The following BICD1 variants were observed in gnomAD, a reference collection of about 807,000 sequenced individuals.
BICD1 encodes protein bicaudal D homolog 1.
Under a neutral mutation model 92.5 loss-of-function variants are expected in BICD1, and 35 were observed. The ratio of observed to expected loss-of-function variants is 0.38; its 90% CI spans 0.29 to 0.50. The LOEUF (loss-of-function observed/expected upper bound fraction) is 0.50, where lower values mean the gene tolerates loss of function less well. Ranked by LOEUF, BICD1 falls within the 20% of genes least tolerant of loss-of-function variation. BICD1 has a pLI of 0.93. For synonymous variants in BICD1, 429 were observed against 465.1 expected (o/e 0.92, Z 1.00); for missense variants, 950 against 1,189.8 (o/e 0.80, Z 2.97).
At chr12:32,198,323 C>CATATATATATATATGT (rs765984931) in intron 1 of BICD1, among the ~76,000 whole-genome samples, 1 of 87,920 alleles carries the variant, frequency 1.1e-5, no homozygotes. Context: ...GAATAATATG[C>CATATATATATATATGT]ATCTATCTAT....
chr12:32,337,458 A>G lies in BICD1; in HGVS notation c.2253-41A>G, dbSNP rs1938178462. 6.4e-7 allele frequency: 1 copy of G among 1,560,072 alleles called. No individual in the cohort carries two copies. Among genetic ancestry groups the G allele is most frequent in the Non-Finnish European group, 8.7e-7 (1 of 1,146,916 alleles). ...CAGCTTAACTCCCAAATTCAGTTTC[A>G]CCAAGATTTTCCTCTGACCACTTCT... On this transcript the variant is annotated intron_variant, in intron 6 of 9. Coordinates refer to ENST00000652176, the MANE Select transcript of BICD1 (RefSeq NM_001714.4). This position sits in a 1 kb window ranked among gnomAD's most constrained non-coding sequence, Gnocchi z 4.7.
chr12:32,142,448 T>TC (rs1565543647), intron 1 of BICD1, among the ~76,000 whole-genome samples: 1 of 51,078 alleles, frequency 2.0e-5, no homozygotes, highest in Non-Finnish European at 4.0e-5. Context: ...ACCCCACCTA[T>TC]CTATCCTATC....
chr12:32,129,548 T>A (rs1171227799), intron 1 of BICD1, among the ~76,000 whole-genome samples: 2 of 121,610 alleles, frequency 1.6e-5, no homozygotes, highest in South Asian at 5.0e-4. Context: ...AAAAAAAAAA[T>A]TCTGTAAACA....
At chr12:32,317,515 G>A (rs556687774) in intron 4 of BICD1, among the ~76,000 whole-genome samples, 1 of 152,288 alleles carries the variant, frequency 6.6e-6, no homozygotes, top group African/African-American at 2.4e-5. Context: ...CTTTTGAGAA[G>A]TGTCTGTTCA....
intron 2 of BICD1, among the ~76,000 whole-genome samples, chr12:32,225,621 G>GTTTTCTTTTTTTT (rs1555150864): frequency 1.1e-5 from 1 of 92,776 alleles, no homozygotes; most frequent in Non-Finnish European, 2.1e-5. Flanking sequence ...CTTTTTTTCT[G>GTTTTCTTTTTTTT]TTTTTTTTTT....
At chr12:32,348,252 T>C (rs533474673) in intron 8 of BICD1, among the ~76,000 whole-genome samples, 38 of 152,330 alleles carry the variant, frequency 2.5e-4, no homozygotes, top group Admixed American at 8.5e-4. Context: ...TTTTAATTAC[T>C]GAAGAGATCA....
At chr12:32,240,354 C>G (rs958473761) in intron 2 of BICD1, among the ~76,000 whole-genome samples, 1 of 151,772 alleles carries the variant, frequency 6.6e-6, no homozygotes, top group Admixed American at 6.6e-5. Flanking sequence ...GGCCATACCC[C>G]CAGGAAGGCT....
intron 2 of BICD1, among the ~76,000 whole-genome samples, chr12:32,231,382 T>C (rs1200088514): frequency 6.6e-6 from 1 of 151,746 alleles, no homozygotes; most frequent in African/African-American, 2.4e-5. Context: ...ACTCGGGAGG[T>C]TGAGGCTGCA....
At chr12:32,116,500 CTCTCTCTCTCTATATA>C (rs1941913740) in intron 1 of BICD1, among the ~76,000 whole-genome samples, 1 of 73,504 alleles carries the variant, frequency 1.4e-5, no homozygotes, top group Admixed American at 1.5e-4. Flanking sequence ...CTTTCTCTCT[CTCTCTCTCTCTATATA>C]TATATATATA....
At chr12:32,350,987 C>A (rs2136304654) in intron 8 of BICD1, among the ~76,000 whole-genome samples, 1 of 152,130 alleles carries the variant, frequency 6.6e-6, no homozygotes, top group South Asian at 2.1e-4. Context: ...ATTACTGGAT[C>A]CCAGAGATTT....
chr12:32,236,872 CTTTTTTT>C (rs57318640), intron 2 of BICD1, among the ~76,000 whole-genome samples: 10 of 89,306 alleles, frequency 1.1e-4, no homozygotes, highest in Admixed American at 6.4e-4. Flanking sequence ...AAGTCTAATT[CTTTTTTT>C]TTTTTTTTTT....
chr12:32,129,848 T>A (rs1019159589), intron 1 of BICD1, among the ~76,000 whole-genome samples: 3 of 152,214 alleles, frequency 2.0e-5, no homozygotes, highest in Non-Finnish European at 4.4e-5. Context: ...CCTGAGAATA[T>A]TTATTAAATG....
At chr12:32,341,892 C>T (rs866259784) in intron 8 of BICD1, among the ~76,000 whole-genome samples, 7 of 151,812 alleles carry the variant, frequency 4.6e-5, no homozygotes, top group Non-Finnish European at 8.8e-5. Flanking sequence ...TATATAAAAT[C>T]TTTTCAATAA....
intron 4 of BICD1, among the ~76,000 whole-genome samples, chr12:32,321,929 G>A (rs1000091933): frequency 6.6e-6 from 1 of 151,896 alleles, no homozygotes; most frequent in Non-Finnish European, 1.5e-5. Context: ...AACCTAGAAG[G>A]CGGAGGTTGC....
At chr12:32,121,269 A>C (rs1942139666) in intron 1 of BICD1, among the ~76,000 whole-genome samples, 1 of 139,208 alleles carries the variant, frequency 7.2e-6, no homozygotes. Context: ...GTCCATAGAT[A>C]ATTTTAAAAA....
chr12:32,165,248 G>C (rs1435197853), intron 1 of BICD1, among the ~76,000 whole-genome samples: 1 of 152,202 alleles, frequency 6.6e-6, no homozygotes, highest in East Asian at 1.9e-4. Flanking sequence ...GGGCGCGGTG[G>C]CTCATGCCTG....
chr12:32,166,051 C>A (rs946079724), intron 1 of BICD1, among the ~76,000 whole-genome samples: 8 of 152,078 alleles, frequency 5.3e-5, no homozygotes, highest in African/African-American at 1.9e-4. Flanking sequence ...CCATACTTCT[C>A]AGTTCAGAGC....
chr12:32,198,323 CATCTATCTATATATAT>C lies in BICD1; in HGVS notation c.214-17921_214-17906del, dbSNP rs1341863259. ...AGGGGATGATTATGGGAATAATATGCATCTATCTATATATATATATATATATATATTCCAAAAATAT... is the reference window on the plus strand; with the variant it reads ...AGGGGATGATTATGGGAATAATATGCATATATATATATATTCCAAAAATAT... On this transcript the variant is annotated intron_variant, in intron 1 of 9. Coordinates refer to ENST00000652176, the MANE Select transcript of BICD1 (RefSeq NM_001714.4). 3.4e-4 allele frequency among the ~76,000 whole-genome samples: 30 copies of C among 87,920 alleles called. 2 individuals carry two copies. Among genetic ancestry groups the C allele is most frequent in the Non-Finnish European group, 4.8e-4 (21 of 43,744 alleles). The allele number at this position is 87,920 out of a possible 152,430, so 57.7% of individuals were successfully genotyped here.
At position 32,337,746 on chromosome 12, in the gene BICD1, A is replaced by G. The variant is rs769644251; in HGVS notation, c.2500A>G (p.Thr834Ala). ...EASVTVPTID[T>A]YLLHSQGPQT... ...ATCAGTCACCGTGCCCACCATAGAC[A>G]CTTACCTCCTGCATAGTCAGGGCCC... Residue 834 changes from threonine (T) to alanine (A), a missense_variant, in exon 7 of 10, where the codon ACT becomes GCT. Thr to Ala is a moderately conservative substitution (Grantham distance 58). This residue lies in a region of BICD1 where 179 missense variants were observed against 186.7 expected (regional missense o/e 0.96). Coordinates refer to ENST00000652176, the MANE Select transcript of BICD1 (RefSeq NM_001714.4). This position sits in a 1 kb window ranked among gnomAD's most constrained non-coding sequence, Gnocchi z 4.7. 3 of 1,614,136 alleles carry G rather than the reference A, an allele frequency of 1.9e-6. No individual in the cohort carries two copies. In the Admixed American group the frequency reaches 5.0e-5, roughly 27 times the overall value.
Sources: allele counts gnomAD v4.1 joint callset (sites outside exome capture counted in the v4.1 genomes callset), GRCh38; gene constraint gnomAD v4.1.1; regional missense constraint gnomAD v4.1.1; non-coding constraint Gnocchi (gnomAD v3.1); transcripts MANE v1.5; gene names NCBI Gene and HGNC (gene_info 2026-07-23, HGNC 2026-07-21).